The following TBC1D5 variants were observed in gnomAD, a reference collection of about 807,000 sequenced individuals.
TBC1D5 encodes TBC1 domain family member 5, also known as TBC1 domain family, member 5.
TBC1D5 carries 75 observed loss-of-function variants against 100.3 expected under a neutral mutation model. The ratio of observed to expected loss-of-function variants is 0.75; its 90% CI spans 0.62 to 0.91. TBC1D5 has a LOEUF of 0.91. Among genes scored for constraint, TBC1D5 ranks in the 40% least tolerant of loss-of-function variants. The pLI is 0.00. For synonymous variants in TBC1D5, 323 were observed against 325.6 expected, an observed-to-expected ratio of 0.99 and a Z score of 0.09; for missense variants, 910 against 942.4, an observed-to-expected ratio of 0.97 and a Z score of 0.45.
At chr3:17,441,944 T>C (rs1026198515) in intron 3 of TBC1D5, among the ~76,000 whole-genome samples, 16 of 152,226 alleles carry the variant, frequency 1.1e-4, no homozygotes, top group African/African-American at 3.9e-4. Context: ...CTGCAGCATA[T>C]TTCTCCCACT....
exon 22 of TBC1D5, chr3:17,160,479 A>C (rs996303630): frequency 6.4e-6 from 1 of 156,294 alleles, no homozygotes; most frequent in Non-Finnish European, 1.4e-5. Flanking sequence ...AAGTAGGCTG[A>C]GACAGATTTC....
intron 1 of TBC1D5, among the ~76,000 whole-genome samples, chr3:17,733,431 G>A (rs755720197): frequency 5.3e-5 from 8 of 152,152 alleles, no homozygotes; most frequent in Non-Finnish European, 1.2e-4. Flanking sequence ...TTTAATTTAC[G>A]CTAAACCACA....
chr3:17,405,003 A>C, intron 5 of TBC1D5, 42 bp from the exon 6 acceptor site: 1 of 1,341,074 alleles, frequency 7.5e-7, no homozygotes, highest in Non-Finnish European at 1.0e-6. Context: ...AAATCTTAAG[A>C]TATAAAATGT....
At chr3:17,344,026 C>G (rs540397625) in intron 13 of TBC1D5, among the ~76,000 whole-genome samples, 3 of 152,012 alleles carry the variant, frequency 2.0e-5, no homozygotes, top group Admixed American at 6.6e-5. Context: ...AATGTTTGCT[C>G]TTGCTTTTCT....
rs1181222828 is a variant in TBC1D5 at position 17,484,993 on chromosome 3, A to AT, written c.97+23480dup. 1.8e-4 allele frequency among the ~76,000 whole-genome samples: 28 copies of AT among 152,324 alleles called. 1 individual carries two copies. The highest frequency in any genetic ancestry group is 1.7e-3 in the Admixed American group (26 of 15,292). On this transcript the variant is annotated intron_variant, in intron 3 of 21. Transcript: ENST00000253692. ...CAAGGTAACACTGGACAACACTATTATTTAACAGAGATATGATAAACATAA... is the reference window on the plus strand; with the variant it reads ...CAAGGTAACACTGGACAACACTATTATTTTAACAGAGATATGATAAACATAA...
At chr3:17,529,828 G>GT in intron 2 of TBC1D5, among the ~76,000 whole-genome samples, 1 of 152,112 alleles carries the variant, frequency 6.6e-6, no homozygotes, top group Admixed American at 6.6e-5. Flanking sequence ...TGGGAAAAAC[G>GT]TGAGATAAAA....
At chr3:17,506,366 A>G (rs1276606686) in intron 3 of TBC1D5, among the ~76,000 whole-genome samples, 2 of 152,204 alleles carry the variant, frequency 1.3e-5, no homozygotes, top group Non-Finnish European at 2.9e-5. Context: ...AGATATTTAC[A>G]TATCTTTCTT....
At chr3:17,550,996 A>G in intron 2 of TBC1D5, among the ~76,000 whole-genome samples, 1 of 152,334 alleles carries the variant, frequency 6.6e-6, no homozygotes, top group South Asian at 2.1e-4. Context: ...AAAACTTTCA[A>G]TATATAGCTT....
At chr3:17,234,550 A>AT (rs770981029) in intron 17 of TBC1D5, among the ~76,000 whole-genome samples, 5 of 152,112 alleles carry the variant, frequency 3.3e-5, no homozygotes, top group African/African-American at 4.8e-5. Flanking sequence ...TGGTTCTTTG[A>AT]TTTCCTTCCT....
intron 1 of TBC1D5, among the ~76,000 whole-genome samples, chr3:17,684,280 A>G (rs1248040428): frequency 6.6e-6 from 1 of 152,112 alleles, no homozygotes; most frequent in Admixed American, 6.6e-5. Context: ...TGAAGATACT[A>G]AAGGAACATT....
intron 13 of TBC1D5, among the ~76,000 whole-genome samples, chr3:17,310,594 C>A (rs1284077692): frequency 6.6e-6 from 1 of 152,040 alleles, no homozygotes; most frequent in African/African-American, 2.4e-5. Flanking sequence ...GTTAACCCCA[C>A]TGTAAAGCCA....
At chr3:17,316,421 G>GA (rs1559617332) in intron 13 of TBC1D5, among the ~76,000 whole-genome samples, 1 of 152,100 alleles carries the variant, frequency 6.6e-6, no homozygotes, top group Admixed American at 6.6e-5. Context: ...CCTCTCTTCT[G>GA]AAAAATACAC....
chr3:17,259,251 C>G (rs749610315), intron 15 of TBC1D5, among the ~76,000 whole-genome samples: 2 of 152,184 alleles, frequency 1.3e-5, no homozygotes, highest in Non-Finnish European at 1.5e-5. Flanking sequence ...ACTGCCCTTT[C>G]TAGAATGCAA....
intron 2 of TBC1D5, among the ~76,000 whole-genome samples, chr3:17,573,930 G>A (rs756828469): frequency 2.8e-4 from 42 of 151,842 alleles, no homozygotes; most frequent in Non-Finnish European, 4.4e-4. Flanking sequence ...TTTTAACTCT[G>A]TTGATCCAGT....
At chr3:17,696,506 T>C (rs776661450) in intron 1 of TBC1D5, among the ~76,000 whole-genome samples, 3 of 151,912 alleles carry the variant, frequency 2.0e-5, no homozygotes, top group Admixed American at 1.3e-4. Context: ...CTAGAAGAAA[T>C]AGATGAATTC....
chr3:17,408,268 A>AACACAC (rs3041146), intron 4 of TBC1D5, among the ~76,000 whole-genome samples: 2,644 of 144,052 alleles, frequency 0.018, 37 homozygotes, highest in East Asian at 0.067. Context: ...AAGACTATCC[A>AACACAC]ACACACACAC....
chr3:17,481,068 CT>C (rs1330738282), intron 3 of TBC1D5, among the ~76,000 whole-genome samples: 2 of 152,216 alleles, frequency 1.3e-5, no homozygotes, highest in East Asian at 3.9e-4. Context: ...GTGACAACCT[CT>C]TTGGGGTTCT....
At chr3:17,192,154 AT>A (rs1428606274) in intron 18 of TBC1D5, among the ~76,000 whole-genome samples, 6 of 152,002 alleles carry the variant, frequency 3.9e-5, no homozygotes, top group Non-Finnish European at 5.9e-5. Context: ...TTTTCGGTGG[AT>A]TTTCTACAAT....
At chr3:17,273,581 T>C (rs1444175338) in intron 15 of TBC1D5, among the ~76,000 whole-genome samples, 2 of 151,858 alleles carry the variant, frequency 1.3e-5, no homozygotes, top group African/African-American at 2.4e-5. Context: ...CCAAGATGAG[T>C]GGATCACCTG....
Sources: gnomAD v4.1 joint callset for allele counts (sites outside exome capture counted in the v4.1 genomes callset) on GRCh38, gnomAD v4.1.1 for gene constraint, MANE v1.5 for transcripts, NCBI Gene and HGNC (gene_info 2026-07-23, HGNC 2026-07-21) for gene names.